CACNA1C: variants seen among roughly 807,000 people sequenced by gnomAD.
CACNA1C encodes the protein calcium voltage-gated channel subunit alpha1 C.
In CACNA1C, 30 loss-of-function variants were observed where a neutral mutation model predicts 229.0. The ratio of observed to expected loss-of-function variants is 0.13; its 90% CI spans 0.10 to 0.18. The LOEUF (loss-of-function observed/expected upper bound fraction) is 0.18. Among genes scored for constraint, CACNA1C ranks in the 10% least tolerant of loss-of-function variants. The probability of loss-of-function intolerance (pLI) is 1.00; values close to 1 mark genes in which losing one functional copy is unlikely to be tolerated. For missense variants in CACNA1C, 1,658 were observed against 2,845.0 expected (o/e 0.58, Z 9.49); for synonymous variants, 1,114 against 1,132.5 (o/e 0.98, Z 0.33).
intron 5 of CACNA1C, among the ~76,000 whole-genome samples, chr12:2,480,948 C>T (rs1487017876): frequency 3.3e-5 from 5 of 152,170 alleles, no homozygotes; most frequent in African/African-American, 9.7e-5. Flanking sequence ...TCCCTGTGCC[C>T]TCCCATCTCA....
chr12:2,569,917 A>G (rs150997607), intron 13 of CACNA1C, among the ~76,000 whole-genome samples: 1 of 152,350 alleles, frequency 6.6e-6, no homozygotes, highest in Non-Finnish European at 1.5e-5. Context: ...CCAGCAATGT[A>G]TAAGGGTTCC....
At position 2,115,402 on chromosome 12, in the gene CACNA1C, C is replaced by T; in HGVS notation, c.228C>T (p.Val76=). The part of the protein sequence containing the change: ...GSAGNATIST[V]SSTQRKRQQY... ...CTGGCAATGCGACCATCTCCACAGT[C>T]AGCTCCACGCAGCGGAAGCGGCAGC... The change falls in exon 2 of 47, where the codon GTC becomes GTT. Residue 76 remains valine, a synonymous_variant. Coordinates refer to ENST00000399655, the MANE Select transcript of CACNA1C (RefSeq NM_000719.7). 6.2e-7 allele frequency: 1 copy of T among 1,611,886 alleles called. No individual in the cohort carries two copies. Among genetic ancestry groups the T allele is most frequent in the Non-Finnish European group, 8.5e-7 (1 of 1,179,658 alleles).
At chr12:2,328,254 G>C (rs1306204173) in intron 3 of CACNA1C, among the ~76,000 whole-genome samples, 1 of 152,168 alleles carries the variant, frequency 6.6e-6, no homozygotes, top group Non-Finnish European at 1.5e-5. Context: ...TAGTACCTGG[G>C]TAGCAGAACC....
In CACNA1C at chr12:2,676,774, T is replaced by C. The variant is rs531442139; in HGVS notation, c.4829-320T>C. 50 of 194,392 alleles carry C rather than the reference T, an allele frequency of 2.6e-4. 1 individual carries two copies. The highest frequency in any genetic ancestry group is 4.6e-4 in the Non-Finnish European group (43 of 93,758). 12.0% of individuals were successfully genotyped at this position (194,392 alleles called of 1,614,324 possible). A position where few individuals can be genotyped will look rare whatever the true frequency, so the allele number is the denominator to read the frequency against. On this transcript the variant is annotated intron_variant, in intron 39 of 46. Transcript: ENST00000399655. ...AATAATTTTGATGGTAGGCTACCTT[T>C]TGCATAAAAAAAACAGGAGATAATA... is the stretch of plus-strand genomic sequence containing the variant.
chr12:2,606,899 C>A, intron 25 of CACNA1C, 85 bp from the exon 26 acceptor site: 1 of 1,487,244 alleles, frequency 6.7e-7, no homozygotes. Context: ...CAGTCCCATC[C>A]CACCCAGCAT....
intron 15 of CACNA1C, 61 bp downstream of exon 15, chr12:2,583,003 C>A: frequency 1.6e-6 from 2 of 1,287,340 alleles, no homozygotes; most frequent in Non-Finnish European, 2.2e-6. Flanking sequence ...CAGCACAGTG[C>A]CAAACGGGCA....
chr12:2,435,056 G>A (rs1162374141), intron 3 of CACNA1C, among the ~76,000 whole-genome samples: 2 of 152,126 alleles, frequency 1.3e-5, no homozygotes, highest in Admixed American at 6.5e-5. Context: ...GAGGCTGGCT[G>A]GAGTTTAGAC....
chr12:2,487,382 C>G (rs1419392497), intron 6 of CACNA1C, among the ~76,000 whole-genome samples: 1 of 149,726 alleles, frequency 6.7e-6, no homozygotes, highest in African/African-American at 2.5e-5. Flanking sequence ...GGATAGCTTC[C>G]AAACAACAGG....
At chr12:2,625,463 G>A (rs2153526957) in intron 29 of CACNA1C, among the ~76,000 whole-genome samples, 1 of 152,316 alleles carries the variant, frequency 6.6e-6, no homozygotes, top group African/African-American at 2.4e-5. Context: ...TGCTGCCAGT[G>A]CTTCCGGCCC....
At chr12:2,071,320 C>T (rs2061268611) in intron 1 of CACNA1C, among the ~76,000 whole-genome samples, 2 of 151,086 alleles carry the variant, frequency 1.3e-5, no homozygotes, top group African/African-American at 4.9e-5. Flanking sequence ...CAGGCTCAAG[C>T]AATCCTTCCA....
rs12319450 is a variant in CACNA1C, at chr12:2,680,623, C to G, written c.5444+827C>G. On this transcript the variant is annotated intron_variant, in intron 42 of 46. Transcript: ENST00000399655. ...AGCTCAGAAAATAATAGAGAAGTAG[C>G]AGCTTCCCTCTAAACCCCTGGAAAA... 0.073 allele frequency: 107,228 copies of G among 1,470,642 alleles called. 8,645 individuals are homozygous for G. The highest frequency in any genetic ancestry group is 0.39 in the African/African-American group (27,547 of 71,364). The allele number at this position is 1,470,642 out of a possible 1,614,324, so 91.1% of individuals were successfully genotyped here. A position where few individuals can be genotyped will look rare whatever the true frequency, so the allele number is the denominator to read the frequency against.
At chr12:2,668,864 C>A (rs935063392) in intron 37 of CACNA1C, 69 bp from the exon 38 acceptor site, 100 of 985,038 alleles carry the variant, frequency 1.0e-4, no homozygotes, top group Non-Finnish European at 1.6e-4. Context: ...TATCACTCTG[C>A]CACGGTGTTC....
At chr12:2,079,385 A>G (rs1044558766) in intron 1 of CACNA1C, among the ~76,000 whole-genome samples, 2 of 152,148 alleles carry the variant, frequency 1.3e-5, no homozygotes, top group African/African-American at 4.8e-5. Context: ...ATTTCTCACA[A>G]TTCTGGAGGC....
At position 2,261,194 on chromosome 12, in the gene CACNA1C, T is replaced by C. The variant is rs190727412; in HGVS notation, c.477+140764T>C. On this transcript the variant is annotated intron_variant, in intron 3 of 46. Transcript: ENST00000399655. ...TTGCAGTGAGCCGAGATAGTGCCAC[T>C]GCACTCCAGCCTGGGTGACAGAGCG... 5.9e-5 allele frequency among the ~76,000 whole-genome samples: 9 copies of C among 151,330 alleles called. No homozygotes were observed. In the East Asian group the frequency reaches 1.6e-3, roughly 26 times the overall value.
intron 3 of CACNA1C, among the ~76,000 whole-genome samples, chr12:2,278,534 C>T (rs1046253981): frequency 6.6e-6 from 1 of 152,150 alleles, no homozygotes; most frequent in Non-Finnish European, 1.5e-5. Context: ...CTTCATTCAG[C>T]ATAATTATTT....
rs7958331 is a variant in CACNA1C at position 2,215,559 on chromosome 12, C to T, written c.477+95129C>T. Among the ~76,000 whole-genome samples the T allele has an allele frequency of 1.3e-5, 2 of 152,194 alleles. No individual in the cohort carries two copies. The highest frequency in any genetic ancestry group is 2.9e-5 in the Non-Finnish European group (2 of 68,044). On this transcript the variant is annotated intron_variant, in intron 3 of 46. Coordinates refer to ENST00000399655, the MANE Select transcript of CACNA1C (RefSeq NM_000719.7). This position sits in a 1 kb window ranked among gnomAD's most constrained non-coding sequence, Gnocchi z 5.0. ...CTACCACAGTCCCTGTCCCCCACAC[C>T]GTTAACACTTTTACATCAGCATTGC...
chr12:2,235,531 TGAG>T (rs943776628), intron 3 of CACNA1C, among the ~76,000 whole-genome samples: 5 of 152,218 alleles, frequency 3.3e-5, no homozygotes, highest in African/African-American at 9.6e-5. Context: ...TTCTGGTAGA[TGAG>T]GAGATCTTGC....
chr12:2,667,266 C>G (rs1439324990), intron 37 of CACNA1C, among the ~76,000 whole-genome samples: 1 of 152,056 alleles, frequency 6.6e-6, no homozygotes, highest in African/African-American at 2.4e-5. Context: ...TCTCCCTCCC[C>G]TCCACCATGG....
chr12:2,063,866 A>G (rs1361594125), intron 1 of CACNA1C, among the ~76,000 whole-genome samples: 1 of 152,198 alleles, frequency 6.6e-6, no homozygotes, highest in Non-Finnish European at 1.5e-5. Flanking sequence ...TCAAGTATCT[A>G]TTTGAATCCA....
Sources: allele counts gnomAD v4.1 joint callset (sites outside exome capture counted in the v4.1 genomes callset), GRCh38; gene constraint gnomAD v4.1.1; non-coding constraint Gnocchi (gnomAD v3.1); transcripts MANE v1.5; gene names NCBI Gene and HGNC (gene_info 2026-07-23, HGNC 2026-07-21).